Variants in SOX6 observed in about 807,000 individuals in gnomAD.
SOX6 encodes SRY-box transcription factor 6.
Under a neutral mutation model 97.8 loss-of-function variants are expected in SOX6, and 11 were observed. The observed-to-expected ratio is 0.11, with a 90% CI of 0.07 to 0.19. The LOEUF is 0.19. Among genes scored for constraint, SOX6 ranks in the 10% least tolerant of loss-of-function variants. The pLI, the probability that SOX6 is intolerant of heterozygous loss-of-function variation, is 1.00. For missense variants in SOX6, 810 were observed against 1,039.5 expected, an observed-to-expected ratio of 0.78 and a Z score of 3.04; for synonymous variants, 360 against 371.4, an observed-to-expected ratio of 0.97 and a Z score of 0.35.
intron 3 of SOX6, among the ~76,000 whole-genome samples, chr11:16,671,193 G>A (rs1847845471): frequency 6.6e-6 from 1 of 152,364 alleles, no homozygotes; most frequent in African/African-American, 2.4e-5. Context: ...ATGCAGAGAT[G>A]AGGAAGAACC....
At chr11:16,297,610 G>T (rs184533104) in intron 3 of SOX6, among the ~76,000 whole-genome samples, 1 of 152,250 alleles carries the variant, frequency 6.6e-6, no homozygotes, top group East Asian at 1.9e-4. Flanking sequence ...CAGCTGATGG[G>T]CTCCACATTA....
At chr11:16,140,772 G>T (rs1261109016) in intron 6 of SOX6, among the ~76,000 whole-genome samples, 1 of 152,118 alleles carries the variant, frequency 6.6e-6, no homozygotes, top group African/African-American at 2.4e-5. Context: ...CCTAGCTATT[G>T]GGCCTTCAGT....
intron 4 of SOX6, among the ~76,000 whole-genome samples, chr11:16,579,493 G>A (rs1292927896): frequency 6.6e-6 from 1 of 151,930 alleles, no homozygotes; most frequent in Non-Finnish European, 1.5e-5. Flanking sequence ...TCATTGTAAA[G>A]TAGTTATGCC....
At chr11:16,384,339 G>A (rs780384382) in intron 1 of SOX6, among the ~76,000 whole-genome samples, 1 of 151,820 alleles carries the variant, frequency 6.6e-6, no homozygotes, top group African/African-American at 2.4e-5. Context: ...ATTCTATACT[G>A]AGTTCCCTGT....
chr11:16,460,690 A>G (rs1324371127), intron 1 of SOX6, among the ~76,000 whole-genome samples: 1 of 152,114 alleles, frequency 6.6e-6, no homozygotes, highest in East Asian at 1.9e-4. Context: ...AGAATGTGGC[A>G]ATATAACCAG....
At chr11:16,641,329 C>G (rs1265391592) in intron 3 of SOX6, among the ~76,000 whole-genome samples, 2 of 152,088 alleles carry the variant, frequency 1.3e-5, no homozygotes, top group Non-Finnish European at 2.9e-5. Flanking sequence ...TTACTTCCAA[C>G]TATGTGGTCA....
chr11:16,531,284 C>T (rs1861232239), intron 4 of SOX6, among the ~76,000 whole-genome samples: 1 of 151,444 alleles, frequency 6.6e-6, no homozygotes, highest in African/African-American at 2.4e-5. Flanking sequence ...CACAACCCCT[C>T]CTAATATTAT....
At chr11:16,635,974 G>A (rs1330328367) in intron 3 of SOX6, among the ~76,000 whole-genome samples, 2 of 152,224 alleles carry the variant, frequency 1.3e-5, no homozygotes, top group Admixed American at 6.5e-5. Flanking sequence ...GTGGTCCTGG[G>A]GTGGAGCCCT....
intron 1 of SOX6, among the ~76,000 whole-genome samples, chr11:16,419,014 T>A (rs988468722): frequency 2.0e-5 from 3 of 152,150 alleles, no homozygotes; most frequent in Non-Finnish European, 4.4e-5. Context: ...GTATTTATAT[T>A]AACATTCCAG....
intron 3 of SOX6, among the ~76,000 whole-genome samples, chr11:16,678,601 G>A (rs1440943018): frequency 6.6e-6 from 1 of 152,166 alleles, no homozygotes; most frequent in Non-Finnish European, 1.5e-5. Flanking sequence ...GAGACTGGTT[G>A]GACAGTGGGT....
Position 16,623,724 on chromosome 11 carries a change from G to C in SOX6, n.430-11464C>G, listed in dbSNP as rs1263218829. Among the ~76,000 whole-genome samples, 5 of 152,188 alleles carry C rather than the reference G, an allele frequency of 3.3e-5. No homozygotes were observed. In the South Asian group the frequency reaches 1.0e-3, roughly 32 times the overall value. On this transcript the variant is annotated intron_variant and non_coding_transcript_variant, in intron 3 of 5. Coordinates refer to the SOX6 transcript ENST00000524520. ...TAGATTTAAGTCTTTGATCCATCTTGAGTTGATTTTTGTATAAGGTGAGAG... is the reference window on the plus strand; with the variant it reads ...TAGATTTAAGTCTTTGATCCATCTTCAGTTGATTTTTGTATAAGGTGAGAG...
intron 4 of SOX6, among the ~76,000 whole-genome samples, chr11:16,209,447 T>A (rs1475124621): frequency 1.3e-5 from 2 of 152,122 alleles, no homozygotes. Flanking sequence ...ATGTGTGAAA[T>A]GTAAATGATC....
At chr11:16,707,995 T>C (rs1848150342) in intron 3 of SOX6, among the ~76,000 whole-genome samples, 1 of 152,132 alleles carries the variant, frequency 6.6e-6, no homozygotes, top group South Asian at 2.1e-4. Flanking sequence ...GTATTTTGGG[T>C]TGATTTTCAA....
chr11:16,184,426 G>A (rs1047985802), intron 5 of SOX6, among the ~76,000 whole-genome samples: 2 of 152,072 alleles, frequency 1.3e-5, no homozygotes, highest in African/African-American at 4.8e-5. Context: ...TACAAATATT[G>A]TTAAAGGAGT....
intron 6 of SOX6, among the ~76,000 whole-genome samples, chr11:16,113,608 A>G (rs1356760735): frequency 6.6e-6 from 1 of 152,176 alleles, no homozygotes; most frequent in African/African-American, 2.4e-5. Context: ...TATGGGTTAC[A>G]ATTGTTCAGT....
intron 6 of SOX6, among the ~76,000 whole-genome samples, chr11:16,168,536 G>T (rs1221966791): frequency 6.6e-6 from 1 of 152,128 alleles, no homozygotes; most frequent in Non-Finnish European, 1.5e-5. Context: ...TTTGGAACAT[G>T]TTATTTCTAC....
At chr11:16,532,598 ATT>A (rs1861252790) in intron 4 of SOX6, among the ~76,000 whole-genome samples, 1 of 151,926 alleles carries the variant, frequency 6.6e-6, no homozygotes, top group African/African-American at 2.4e-5. Context: ...GATTCAAAAC[ATT>A]TTAAAATAAC....
chr11:16,538,789 T>C (rs950934319), intron 4 of SOX6, among the ~76,000 whole-genome samples: 33 of 152,306 alleles, frequency 2.2e-4, no homozygotes, highest in Admixed American at 9.8e-4. Context: ...CCTAAATATA[T>C]ATGCATCCAA....
At chr11:16,036,242 G>C (rs1855516471) in intron 12 of SOX6, among the ~76,000 whole-genome samples, 1 of 152,036 alleles carries the variant, frequency 6.6e-6, no homozygotes, top group Admixed American at 6.6e-5. Context: ...ACTAGGCCCA[G>C]CTCATTTTGT....
Sources: gnomAD v4.1 joint callset for allele counts (sites outside exome capture counted in the v4.1 genomes callset) on GRCh38, gnomAD v4.1.1 for gene constraint, MANE v1.5 for transcripts, NCBI Gene and HGNC (gene_info 2026-07-23, HGNC 2026-07-21) for gene names.